Variants in CDAN1 observed in about 807,000 individuals in gnomAD.
CDAN1 encodes codanin-1.
Under a neutral mutation model 139.8 loss-of-function variants are expected in CDAN1, and 107 were observed. That is an observed-to-expected ratio of 0.77 (90% CI 0.65 to 0.90). CDAN1 has a LOEUF of 0.90. CDAN1 is among the 40% of genes least tolerant of loss of function. The pLI is 0.00. For missense variants in CDAN1, 1,667 were observed against 1,575.7 expected (o/e 1.06, Z -0.98); for synonymous variants, 776 against 660.6 (o/e 1.17, Z -2.68).
Position 42,730,756 on chromosome 15 carries a change from C to G in CDAN1, c.2016G>C (p.Pro672=), listed in dbSNP as rs371799686. 1.2e-6 allele frequency: 2 copies of G among 1,612,032 alleles called. No homozygotes were observed. The highest frequency in any genetic ancestry group is 2.2e-5 in the South Asian group (2 of 90,824). ...SILALRSQVP[P]VLDVRTLLQR... ...GCAGCAGAGTCCGCACATCCAGGAC[C>G]GGAGGGACCTGGGAGGGCCAGAGCT... Residue 672 remains proline (P), a synonymous_variant, in exon 14 of 28, where the codon CCG becomes CCC. Transcript: ENST00000356231.
chr15:42,728,070 G>A (rs765844268), intron 21 of CDAN1, 37 bp from the exon 22 acceptor site: 4 of 1,607,038 alleles, frequency 2.5e-6, no homozygotes, highest in Admixed American at 1.7e-5. Context: ...GGCTAGGGGA[G>A]GGCTGGGTGC....
intron 20 of CDAN1, 99 bp from the exon 21 acceptor site, chr15:42,728,366 T>A: frequency 7.2e-7 from 1 of 1,382,192 alleles, no homozygotes; most frequent in South Asian, 1.2e-5. Flanking sequence ...TGGGAGGCTG[T>A]ACCTTGGAAG....
chr15:42,726,610 A>G, intron 23 of CDAN1, 193 bp from the exon 24 acceptor site: 1 of 599,758 alleles, frequency 1.7e-6, no homozygotes, highest in Non-Finnish European at 3.0e-6. Flanking sequence ...CCATGTGGAC[A>G]ACAAAAGAGG....
Position 42,725,601 on chromosome 15 carries a change from A to C in CDAN1, c.3338T>G (p.Leu1113Arg). 6.2e-7 allele frequency: 1 copy of C among 1,614,162 alleles called. No individual in the cohort carries two copies. Among genetic ancestry groups the C allele is most frequent in the Non-Finnish European group, 8.5e-7 (1 of 1,180,028 alleles). ...CCACAAGGAAAGCAGCATGTGCAGA[A>C]GCCTTCGAGCCTGCCCTCTCTCCAG... ...YRLERGQARR[L>R]LHMLLSLWKE... Residue 1113 changes from leucine to arginine, a missense_variant, in exon 26 of 28, where the codon CTT (leucine) becomes CGT (arginine). Around this residue, in one of 3 missense-constraint regions of CDAN1, gnomAD observed 936 missense variants for 844.1 expected, o/e 1.11. Transcript: ENST00000356231.
chr15:42,724,642 A>AAAGGCAGCATGTAAT, intron 27 of CDAN1, 26 bp from the exon 28 acceptor site: 1 of 1,551,402 alleles, frequency 6.4e-7, no homozygotes, highest in Non-Finnish European at 8.7e-7. Flanking sequence ...AGATGAGGGA[A>AAAGGCAGCATGTAAT]AAGGCAGCAT....
chr15:42,727,973 G>A lies in CDAN1; in HGVS notation c.2929C>T (p.Leu977=). 1 of 1,614,104 alleles carries A rather than the reference G, an allele frequency of 6.2e-7. No homozygotes were observed. ...ACCTTACCTGTGATGTTGGCTGACA[G>A]CCAAGCACAGGCTTTCTCTGTTGCA... ...GLATEKACAW[L]SANITALIRR... Residue 977 remains leucine (L), a synonymous_variant, in exon 22 of 28, where the codon CTG becomes TTG. Coordinates refer to ENST00000356231, the MANE Select transcript of CDAN1 (RefSeq NM_138477.4).
chr15:42,731,138 TA>T (rs2061605375), intron 12 of CDAN1, 67 bp from the exon 13 acceptor site: 1 of 1,614,186 alleles, frequency 6.2e-7, no homozygotes, highest in South Asian at 1.1e-5. Context: ...CGATCTGTTA[TA>T]AAGTTTTTCT....
At chr15:42,729,669 A>C (rs1233469639) in intron 16 of CDAN1, 47 bp from the exon 17 acceptor site, 2 of 1,609,576 alleles carry the variant, frequency 1.2e-6, no homozygotes, top group Admixed American at 3.4e-5. Context: ...CCCCCAGCGC[A>C]CCCAGAAAGC....
At position 42,735,169 on chromosome 15, in the gene CDAN1, T is replaced by C. The variant is rs770862298; in HGVS notation, c.1067A>G (p.Glu356Gly). ...GTGGATGCTTTGGAACAGTGGACTT[T>C]CCAGGGAATCTAGAAGGACAGTACC... ...ELSPAVLDSL[E>G]SPLFQSIHDC... Residue 356 changes from glutamate (E) to glycine (G), a missense_variant, in exon 6 of 28, where the codon GAA (glutamate) becomes GGA (glycine). Transcript: ENST00000356231. The C allele has an allele frequency of 1.1e-5, 17 of 1,613,586 alleles. No homozygotes were observed. Among genetic ancestry groups the C allele is most frequent in the Non-Finnish European group, 1.4e-5 (16 of 1,179,646 alleles).
chr15:42,725,527 T>C lies in CDAN1; in HGVS notation c.3412A>G (p.Arg1138Gly), dbSNP rs777206624. The C allele has an allele frequency of 6.2e-7, 1 of 1,614,202 alleles. No individual in the cohort carries two copies. Among genetic ancestry groups the C allele is most frequent in the Non-Finnish European group, 8.5e-7 (1 of 1,180,038 alleles). ...GTGTCTGCCAGAAGCCCCACATTTC[T>C]TGGGCTCAGCAGCAGCTGCAGCGGA... ...PVPLQLLLSP[R>G]NVGLLADTRP... Residue 1138 changes from arginine to glycine, a missense_variant, in exon 26 of 28, where the codon AGA (arginine) becomes GGA (glycine). Physicochemically the swap from Arg to Gly is moderately radical, Grantham distance 125. This residue lies in a region of CDAN1 where 936 missense variants were observed against 844.1 expected (regional missense o/e 1.11). Coordinates refer to ENST00000356231, the MANE Select transcript of CDAN1 (RefSeq NM_138477.4).
In CDAN1 at chr15:42,725,264, C is replaced by A. The variant is rs754833176; in HGVS notation, c.3451-13G>T. On this transcript the variant is annotated splice_polypyrimidine_tract_variant and intron_variant, in intron 26 of 27. Coordinates refer to ENST00000356231, the MANE Select transcript of CDAN1 (RefSeq NM_138477.4). ...GCAGCAAGTCCCACTGCAAAACACA[C>A]CGAGGTCAGGGTTGCTAGGAGGACG... 4 of 1,612,532 alleles carry A rather than the reference C, an allele frequency of 2.5e-6. No individual in the cohort carries two copies. The highest frequency in any genetic ancestry group is 3.4e-6 in the Non-Finnish European group (4 of 1,178,586).
In CDAN1 at chr15:42,725,173, C is replaced by T; in HGVS notation, c.3529G>A (p.Gly1177Ser). Residue 1177 changes from glycine (G) to serine (S), a missense_variant, in exon 27 of 28, where the codon GGC (glycine) becomes AGC (serine). Gly to Ser is a moderately conservative substitution (Grantham distance 56, BLOSUM62 0). Around this residue, in one of 3 missense-constraint regions of CDAN1, gnomAD observed 936 missense variants for 844.1 expected, o/e 1.11. Transcript: ENST00000356231. Reference sequence around the variant, plus strand: ...GGCCACTGGGCCTGGTGGAGGCTGCCCAGGCAGGCCTCTATCTCCATCCGT... The same window carrying T: ...GGCCACTGGGCCTGGTGGAGGCTGCTCAGGCAGGCCTCTATCTCCATCCGT... ...MGRMEIEACL[G>S]SLHQAQWPGD... 3 of 1,614,188 alleles carry T rather than the reference C, an allele frequency of 1.9e-6. No individual in the cohort carries two copies. The highest frequency in any genetic ancestry group is 2.5e-6 in the Non-Finnish European group (3 of 1,180,020).
rs1207189970 is a variant in CDAN1 at position 42,723,632 on chromosome 15, C to G, written c.*859G>C. 1 of 152,222 alleles carries G rather than the reference C, an allele frequency of 6.6e-6. No homozygotes were observed. Among genetic ancestry groups the G allele is most frequent in the African/African-American group, 2.4e-5 (1 of 41,460 alleles). 9.4% of individuals were successfully genotyped at this position (152,222 alleles called of 1,614,324 possible). ...TTGGTCCCTGGTCAGGGAGAGGTCT[C>G]AAGAGGTTACTACCTGCACAGGGGC... On this transcript the variant is annotated 3_prime_UTR_variant, in exon 28 of 28. Transcript: ENST00000356231.
chr15:42,735,184 A>C lies in CDAN1; in HGVS notation c.1058-6T>G. On this transcript the variant is annotated splice_polypyrimidine_tract_variant and splice_region_variant and intron_variant, in intron 5 of 27. Coordinates refer to ENST00000356231, the MANE Select transcript of CDAN1 (RefSeq NM_138477.4). Reference sequence around the variant, plus strand: ...CAGTGGACTTTCCAGGGAATCTAGAAGGACAGTACCAAGCTGTCAGTTAAG... The same window carrying C: ...CAGTGGACTTTCCAGGGAATCTAGACGGACAGTACCAAGCTGTCAGTTAAG... 6.2e-7 allele frequency: 1 copy of C among 1,612,236 alleles called. No homozygotes were observed. Among genetic ancestry groups the C allele is most frequent in the African/African-American group, 1.3e-5 (1 of 75,002 alleles).
In CDAN1 at chr15:42,729,848, T is replaced by A; in HGVS notation, c.2300A>T (p.Glu767Val). 1 of 1,613,894 alleles carries A rather than the reference T, an allele frequency of 6.2e-7. No individual in the cohort carries two copies. Among genetic ancestry groups the A allele is most frequent in the Non-Finnish European group, 8.5e-7 (1 of 1,179,956 alleles). Residue 767 changes from glutamate (E) to valine (V), a missense_variant, in exon 16 of 28, where the codon GAG becomes GTG. Physicochemically the swap from Glu to Val is moderately radical, Grantham distance 121 (BLOSUM62 -2). Around this residue, in one of 3 missense-constraint regions of CDAN1, gnomAD observed 936 missense variants for 844.1 expected, o/e 1.11. Coordinates refer to ENST00000356231, the MANE Select transcript of CDAN1 (RefSeq NM_138477.4). ...CACCTCAAAGGCATATGAGGGACCC[T>A]CTTCCAGAAAGAACAAGTCCTCAGG... ...TVPEDLFFLE[E>V]GPSYAFEVDT...
intron 11 of CDAN1, 24 bp from the exon 12 acceptor site, chr15:42,731,355 C>T: frequency 1.2e-6 from 2 of 1,612,666 alleles, no homozygotes; most frequent in Non-Finnish European, 1.7e-6. Context: ...GTGGGTGGGG[C>T]ATAAGCACTG....
rs1055273120 is a variant in CDAN1, at chr15:42,735,919, C to A, written c.729G>T (p.Gly243=). The A allele has an allele frequency of 8.7e-6, 14 of 1,614,036 alleles. No individual in the cohort carries two copies. Among genetic ancestry groups the A allele is most frequent in the Non-Finnish European group, 1.1e-5 (13 of 1,180,022 alleles). The change falls in exon 3 of 28, where the codon GGG becomes GGT. Residue 243 remains glycine, a synonymous_variant. Coordinates refer to ENST00000356231, the MANE Select transcript of CDAN1 (RefSeq NM_138477.4). ...CTCGCTCCTCTTGCAGACTTCTGCA[C>A]CCTGGGGGAAGGCCAAGGCCCCAAG... is the stretch of plus-strand genomic sequence containing the variant. ...TSPWGLGLPP[G]CRSLQEEREM...
chr15:42,728,008 G>A lies in CDAN1; in HGVS notation c.2894C>T (p.Ala965Val). 6.8e-6 allele frequency: 11 copies of A among 1,614,098 alleles called. No individual in the cohort carries two copies. The highest frequency in any genetic ancestry group is 9.3e-6 in the Non-Finnish European group (11 of 1,179,988). ...AAVLSSAENI[A>V]VGLATEKACA... ...GGCTTTCTCTGTTGCAAGCCCCACAGCAATGTTCTCTGCACTGCTCAGAAC... is the reference window on the plus strand; with the variant it reads ...GGCTTTCTCTGTTGCAAGCCCCACAACAATGTTCTCTGCACTGCTCAGAAC... The change falls in exon 22 of 28, where the codon GCT (alanine) becomes GTT (valine). Residue 965 changes from alanine (A) to valine (V), a missense_variant. Transcript: ENST00000356231.
intron 21 of CDAN1, 52 bp downstream of exon 21, chr15:42,728,152 C>T (rs2061557404): frequency 1.9e-6 from 3 of 1,601,874 alleles, no homozygotes; most frequent in East Asian, 4.5e-5. Flanking sequence ...CTACTCCGTG[C>T]ACCTCCCCAC....
Sources: allele counts gnomAD v4.1 joint callset, GRCh38; gene constraint gnomAD v4.1.1; regional missense constraint gnomAD v4.1.1; transcripts MANE v1.5; gene names NCBI Gene and HGNC (gene_info 2026-07-23, HGNC 2026-07-21).